TRMT11: variants seen among roughly 807,000 people sequenced by gnomAD.
The protein encoded by TRMT11 is tRNA (guanine(10)-N(2))-methyltransferase TRMT11.
TRMT11 carries 53 observed loss-of-function variants against 62.8 expected under a neutral mutation model. That is an observed-to-expected ratio of 0.84 (90% CI 0.68 to 1.06). TRMT11 has a LOEUF of 1.06. TRMT11 is among the 50% of genes least tolerant of loss of function. The pLI is 0.00. For synonymous variants in TRMT11, 188 were observed against 190.3 expected, an observed-to-expected ratio of 0.99 and a Z score of 0.10; for missense variants, 556 against 553.4, an observed-to-expected ratio of 1.00 and a Z score of -0.05.
rs113310393 is a variant in TRMT11, at chr6:126,120,778, T to C, written c.*1823+4923T>C. On this transcript the variant is annotated intron_variant and NMD_transcript_variant, in intron 21 of 22. Coordinates refer to the TRMT11 transcript ENST00000648977. ...CCCTGGAACTGGACAATGGTAGAAA[T>C]GTGCCAGAAGCAAAGGAAGCCTGTG... Among the ~76,000 whole-genome samples the C allele has an allele frequency of 3.5e-3, 531 of 152,224 alleles. 4 individuals are homozygous for C. The highest frequency in any genetic ancestry group is 0.012 in the African/African-American group (510 of 41,572).
At chr6:126,088,877 C>T (rs868504620) in intron 17 of TRMT11, among the ~76,000 whole-genome samples, 1 of 152,166 alleles carries the variant, frequency 6.6e-6, no homozygotes, top group African/African-American at 2.4e-5. Context: ...AAATCCCAAA[C>T]TGTTTTCATC....
the TRMT11 span, among the ~76,000 whole-genome samples, chr6:126,227,430 C>T: frequency 6.6e-6 from 1 of 152,110 alleles, no homozygotes; most frequent in African/African-American, 2.4e-5. Flanking sequence ...CTGAAATCAG[C>T]CAGAGAGATA....
At chr6:126,094,881 C>T (rs1777323793) in intron 17 of TRMT11, among the ~76,000 whole-genome samples, 2 of 152,172 alleles carry the variant, frequency 1.3e-5, no homozygotes, top group Non-Finnish European at 2.9e-5. Context: ...ATTTTACCTT[C>T]ACAATCATTT....
At chr6:126,253,857 T>G in the TRMT11 span, among the ~76,000 whole-genome samples, 6 of 152,186 alleles carry the variant, frequency 3.9e-5, no homozygotes, top group Non-Finnish European at 8.8e-5. Context: ...GTAAGGTCTC[T>G]TCCTAGCAGA....
chr6:126,082,653 A>G (rs765870098), intron 17 of TRMT11, among the ~76,000 whole-genome samples: 26 of 152,260 alleles, frequency 1.7e-4, no homozygotes, highest in South Asian at 8.3e-4. Context: ...AACTTTATCA[A>G]ATGTATAATG....
chr6:126,054,452 C>G (rs1177505534), intron 17 of TRMT11, among the ~76,000 whole-genome samples: 1 of 152,178 alleles, frequency 6.6e-6, no homozygotes, highest in Non-Finnish European at 1.5e-5. Flanking sequence ...CTTCCTGACC[C>G]TGACTGACAG....
At chr6:126,170,241 C>A (rs887888659) in intron 21 of TRMT11, among the ~76,000 whole-genome samples, 1 of 151,922 alleles carries the variant, frequency 6.6e-6, no homozygotes, top group African/African-American at 2.4e-5. Context: ...TTGTTTTATT[C>A]TCTTACCATG....
At chr6:126,115,901 C>T (rs1464203699) in intron 21 of TRMT11, among the ~76,000 whole-genome samples, 9 of 151,986 alleles carry the variant, frequency 5.9e-5, no homozygotes, top group Admixed American at 2.6e-4. Context: ...AGTCTTGCTG[C>T]ACCCCCTGAG....
intron 1 of TRMT11, among the ~76,000 whole-genome samples, chr6:126,186,974 C>G (rs1778534849): frequency 1.3e-5 from 2 of 151,914 alleles, no homozygotes; most frequent in African/African-American, 4.8e-5. Context: ...ATAGAACTTG[C>G]TTAACCCAAT....
the TRMT11 span, among the ~76,000 whole-genome samples, chr6:126,257,533 G>GT: frequency 6.6e-6 from 1 of 152,104 alleles, no homozygotes; most frequent in Admixed American, 6.5e-5. Flanking sequence ...GAGTTTGGAA[G>GT]TTTTCCTTCC....
the TRMT11 span, among the ~76,000 whole-genome samples, chr6:126,244,975 A>G: frequency 6.6e-6 from 1 of 152,254 alleles, no homozygotes; most frequent in Non-Finnish European, 1.5e-5. Context: ...AGGTTAGAAT[A>G]ATGTCTATAT....
chr6:126,097,403 C>G (rs1231982980), intron 17 of TRMT11, among the ~76,000 whole-genome samples: 1 of 152,042 alleles, frequency 6.6e-6, no homozygotes, highest in Non-Finnish European at 1.5e-5. Context: ...AAATAATACT[C>G]AAGGGAAGGC....
At chr6:126,165,053 C>T (rs112058500) in intron 21 of TRMT11, among the ~76,000 whole-genome samples, 6,258 of 151,984 alleles carry the variant, frequency 0.041, 237 homozygotes, top group African/African-American at 0.098. Context: ...CTTAGGTGGG[C>T]GAATCACAAG....
rs149027617 is a variant in TRMT11, at chr6:125,989,535, A to G, written c.72+2913A>G. Among the ~76,000 whole-genome samples the G allele has an allele frequency of 9.9e-3, 1,510 of 152,302 alleles. 27 individuals are homozygous for G. Among genetic ancestry groups the G allele is most frequent in the African/African-American group, 0.034 (1,399 of 41,556 alleles). ...TCTGAAGTACGAGAGAAAAGATACC[A>G]CTTAGAGAATACTGGACCAGAACTA... is the stretch of plus-strand genomic sequence containing the variant. On this transcript the variant is annotated intron_variant, in intron 1 of 12. Transcript: ENST00000334379.
At chr6:126,132,649 G>C (rs924926414) in intron 21 of TRMT11, among the ~76,000 whole-genome samples, 12 of 151,990 alleles carry the variant, frequency 7.9e-5, no homozygotes, top group African/African-American at 2.4e-4. Context: ...CCGTCTATTT[G>C]ACTGAAACTG....
intron 21 of TRMT11, among the ~76,000 whole-genome samples, chr6:126,118,876 T>C (rs2128194300): frequency 6.6e-6 from 1 of 152,240 alleles, no homozygotes; most frequent in East Asian, 1.9e-4. Context: ...CTTTTCCCCC[T>C]TTGTAAAGCT....
intron 9 of TRMT11, 45 bp downstream of exon 9, chr6:126,011,462 A>G (rs1794184308): frequency 6.5e-7 from 1 of 1,532,834 alleles, no homozygotes; most frequent in Non-Finnish European, 8.9e-7. Context: ...TTCGTTTTGT[A>G]AAATCATTTA....
At chr6:126,219,529 A>G in the TRMT11 span, among the ~76,000 whole-genome samples, 2 of 152,154 alleles carry the variant, frequency 1.3e-5, no homozygotes, top group African/African-American at 4.8e-5. Context: ...TCTTTCTTCT[A>G]ACTTTCCCCA....
At chr6:126,187,116 C>T (rs1778536453) in intron 1 of TRMT11, among the ~76,000 whole-genome samples, 1 of 151,708 alleles carries the variant, frequency 6.6e-6, no homozygotes, top group South Asian at 2.1e-4. Flanking sequence ...AAGTCCTAGC[C>T]AGTACAATAA....
Sources: allele counts gnomAD v4.1 joint callset (sites outside exome capture counted in the v4.1 genomes callset), GRCh38; gene constraint gnomAD v4.1.1; transcripts MANE v1.5; gene names NCBI Gene and HGNC (gene_info 2026-07-23, HGNC 2026-07-21).